The following OCM variants were observed in gnomAD, a reference collection of about 807,000 sequenced individuals.
The protein encoded by OCM is oncomodulin-1.
OCM carries 18 observed loss-of-function variants against 14.1 expected under a neutral mutation model. That is an observed-to-expected ratio of 1.28 (90% CI 0.88 to 1.89). OCM has a LOEUF of 1.89. Among genes scored for constraint, OCM ranks in the 40% most tolerant of loss-of-function variants. OCM has a pLI of 0.00. For missense variants in OCM, 140 were observed against 137.6 expected, an observed-to-expected ratio of 1.02 and a Z score of -0.09; for synonymous variants, 48 against 51.0, an observed-to-expected ratio of 0.94 and a Z score of 0.25.
the OCM span, among the ~76,000 whole-genome samples, chr7:5,870,010 A>G: frequency 1.3e-5 from 2 of 152,126 alleles, no homozygotes; most frequent in South Asian, 4.2e-4. Flanking sequence ...ATAGCAACAA[A>G]ACCATAGCTG....
At chr7:5,868,457 T>C in the OCM span, among the ~76,000 whole-genome samples, 1 of 152,048 alleles carries the variant, frequency 6.6e-6, no homozygotes, top group Non-Finnish European at 1.5e-5. Flanking sequence ...ACTCCCATCT[T>C]TATTTCAGCC....
Position 5,886,316 on chromosome 7 carries a change from A to G in OCM, c.*227A>G, listed in dbSNP as rs1260339569. 3 of 533,248 alleles carry G rather than the reference A, an allele frequency of 5.6e-6. No individual in the cohort carries two copies. Among genetic ancestry groups the G allele is most frequent in the Non-Finnish European group, 1.0e-5 (3 of 295,606 alleles). The allele number at this position is 533,248 out of a possible 1,614,324, so 33.0% of individuals were successfully genotyped here. A position where few individuals can be genotyped will look rare whatever the true frequency, so the allele number is the denominator to read the frequency against. On this transcript the variant is annotated 3_prime_UTR_variant, in exon 4 of 4. Transcript: ENST00000242104. ...ACTTCTGTAAGCCCCCCTTCCCCCA[A>G]CAGGCAATGCCTCTAAAAATCACCC...
chr7:5,859,871 A>G, the OCM span, among the ~76,000 whole-genome samples: 2 of 151,894 alleles, frequency 1.3e-5, no homozygotes, highest in Non-Finnish European at 2.9e-5. Flanking sequence ...TATTTTTACT[A>G]GAGACAGGGT....
At chr7:5,881,318 CAA>C (rs1310064726) in intron 1 of OCM, among the ~76,000 whole-genome samples, 29 of 58,748 alleles carry the variant, frequency 4.9e-4, no homozygotes, top group Admixed American at 1.0e-3. Flanking sequence ...ACTCTGTCTA[CAA>C]AAAAAAAAAA....
chr7:5,880,905 G>A lies in OCM; in HGVS notation c.16G>A (p.Val6Met), dbSNP rs745567019. Residue 6 changes from valine to methionine, a missense_variant, in exon 1 of 4, where the codon GTG becomes ATG. Physicochemically the swap from Val to Met is conservative, Grantham distance 21 (BLOSUM62 1). Transcript: ENST00000242104. MSITD[V>M]LSADDIAAAL... ...TAGGTAGAAAATGAGCATCACGGAC[G>A]TGCTCAGTGCTGACGACATTGCAGC... 60 of 1,613,918 alleles carry A rather than the reference G, an allele frequency of 3.7e-5. No individual in the cohort carries two copies. Among genetic ancestry groups the A allele is most frequent in the Admixed American group, 1.8e-4 (11 of 59,976 alleles).
chr7:5,881,852 C>T (rs765882832), intron 1 of OCM, among the ~76,000 whole-genome samples: 2 of 151,874 alleles, frequency 1.3e-5, no homozygotes, highest in Non-Finnish European at 2.9e-5. Context: ...TTTGGGAGGC[C>T]GAGGCCGGTG....
Position 5,882,622 on chromosome 7 carries a change from T to A in OCM, c.191T>A (p.Leu64His). ...DQSGYLDEEE[L>H]KFFLQKFESG... ...AGCGGGTACCTGGATGAAGAAGAGC[T>A]TAAGTAAGCTTTGTCCTGAGTCTGT... Residue 64 changes from leucine to histidine, a missense_variant, in exon 2 of 4, where the codon CTT becomes CAT. Transcript: ENST00000242104. 6.2e-7 allele frequency: 1 copy of A among 1,614,106 alleles called. No homozygotes were observed. The highest frequency in any genetic ancestry group is 8.5e-7 in the Non-Finnish European group (1 of 1,180,004).
chr7:5,880,448 T>A (rs1176117136), upstream of OCM, among the ~76,000 whole-genome samples: 2 of 152,128 alleles, frequency 1.3e-5, no homozygotes, highest in South Asian at 4.2e-4. Context: ...TACAAAACCA[T>A]GCTTATCACA....
upstream of OCM, among the ~76,000 whole-genome samples, chr7:5,878,106 G>T (rs1217139123): frequency 6.6e-6 from 1 of 151,192 alleles, no homozygotes; most frequent in Non-Finnish European, 1.5e-5. Flanking sequence ...AAGTAGCTGG[G>T]ATTACAGGCT....
the OCM span, among the ~76,000 whole-genome samples, chr7:5,866,286 A>C: frequency 6.7e-6 from 1 of 150,218 alleles, no homozygotes; most frequent in East Asian, 2.0e-4. Context: ...TGAGTGTGCC[A>C]CTGCACTCCA....
upstream of OCM, among the ~76,000 whole-genome samples, chr7:5,877,839 AAAAAAG>A (rs1299355413): frequency 3.7e-3 from 561 of 150,292 alleles, 1 homozygote; most frequent in Non-Finnish European, 6.6e-3. Flanking sequence ...AAAAAAAAAA[AAAAAAG>A]GAGATCCTGA....
upstream of OCM, among the ~76,000 whole-genome samples, chr7:5,876,305 G>T (rs752939970): frequency 6.6e-6 from 1 of 151,822 alleles, no homozygotes. Flanking sequence ...GACCCGGCAG[G>T]GGCTGATTTA....
chr7:5,879,671 G>A (rs1267250011), upstream of OCM, among the ~76,000 whole-genome samples: 3 of 143,928 alleles, frequency 2.1e-5, no homozygotes, highest in Admixed American at 7.1e-5. Context: ...TGAAATCTTA[G>A]TTAAGGTTTG....
At chr7:5,865,994 A>C in the OCM span, among the ~76,000 whole-genome samples, 1 of 152,072 alleles carries the variant, frequency 6.6e-6, no homozygotes, top group African/African-American at 2.4e-5. Flanking sequence ...TTTAAGGGCT[A>C]TTCATGAATA....
intron 3 of OCM, among the ~76,000 whole-genome samples, chr7:5,885,178 A>G (rs993445889): frequency 2.0e-5 from 3 of 152,046 alleles, no homozygotes; most frequent in African/African-American, 7.2e-5. Context: ...GCTTACCAAT[A>G]AATATAAAGC....
the OCM span, among the ~76,000 whole-genome samples, chr7:5,861,287 G>T: frequency 6.6e-6 from 1 of 152,108 alleles, no homozygotes; most frequent in African/African-American, 2.4e-5. Flanking sequence ...CGGGCTTGGT[G>T]CTGCGTGCCT....
In OCM at chr7:5,883,874, C is replaced by G; in HGVS notation, c.195-16C>G. 1 of 1,612,164 alleles carries G rather than the reference C, an allele frequency of 6.2e-7. No individual in the cohort carries two copies. Among genetic ancestry groups the G allele is most frequent in the South Asian group, 1.1e-5 (1 of 90,886 alleles). On this transcript the variant is annotated splice_polypyrimidine_tract_variant and intron_variant, in intron 2 of 3. Coordinates refer to ENST00000242104, the MANE Select transcript of OCM (RefSeq NM_001097622.2). ...GATCTTTTTGAAAATCCCCATGGAT[C>G]TTTATTATCCTGTAGGTTTTTCCTC...
chr7:5,876,179 A>G (rs963207541), upstream of OCM, among the ~76,000 whole-genome samples: 117 of 151,806 alleles, frequency 7.7e-4, no homozygotes, highest in Non-Finnish European at 1.2e-3. Flanking sequence ...TTAATTTTGT[A>G]TTTTAGTAGA....
the OCM span, among the ~76,000 whole-genome samples, chr7:5,867,377 T>C: frequency 6.6e-6 from 1 of 152,190 alleles, no homozygotes; most frequent in Non-Finnish European, 1.5e-5. Flanking sequence ...TGTGTCTCTT[T>C]TTTCTGGCTG....
Sources: allele counts gnomAD v4.1 joint callset (sites outside exome capture counted in the v4.1 genomes callset), GRCh38; gene constraint gnomAD v4.1.1; transcripts MANE v1.5; gene names NCBI Gene and HGNC (gene_info 2026-07-23, HGNC 2026-07-21).